SPIDR: variants seen among roughly 807,000 people sequenced by gnomAD.
SPIDR encodes the protein DNA repair-scaffolding protein.
SPIDR carries 93 observed loss-of-function variants against 104.6 expected under a neutral mutation model. The ratio of observed to expected loss-of-function variants is 0.89; its 90% CI spans 0.75 to 1.06. The LOEUF (loss-of-function observed/expected upper bound fraction) is 1.06, where lower values mean the gene tolerates loss of function less well. Ranked by LOEUF, SPIDR falls within the 50% of genes least tolerant of loss-of-function variation. SPIDR has a pLI of 0.00. For missense variants in SPIDR, 1,154 were observed against 1,111.2 expected (o/e 1.04, Z -0.55); for synonymous variants, 431 against 416.9 (o/e 1.03, Z -0.41).
intron 5 of SPIDR, among the ~76,000 whole-genome samples, chr8:47,379,316 G>C (rs1282913629): frequency 6.6e-6 from 1 of 152,196 alleles, no homozygotes; most frequent in Non-Finnish European, 1.5e-5. Context: ...TTAGGAGTGG[G>C]CGGATGGCTT....
chr8:47,654,745 CTTTAAG>C (rs1055713496), intron 10 of SPIDR, among the ~76,000 whole-genome samples: 1 of 151,970 alleles, frequency 6.6e-6, no homozygotes, highest in Admixed American at 6.6e-5. Context: ...TTTATATATA[CTTTAAG>C]TTTTAGGGTA....
chr8:47,611,312 G>T (rs2063571869), intron 10 of SPIDR, among the ~76,000 whole-genome samples: 1 of 152,170 alleles, frequency 6.6e-6, no homozygotes, highest in Non-Finnish European at 1.5e-5. Context: ...AGAATATTCA[G>T]TCAGTGTAAA....
chr8:47,489,957 C>A (rs1486435489), intron 8 of SPIDR, among the ~76,000 whole-genome samples: 23 of 152,308 alleles, frequency 1.5e-4, no homozygotes, highest in African/African-American at 5.5e-4. Context: ...GACTCCATGA[C>A]TAAAACACCC....
At chr8:47,590,736 G>A (rs912373539) in intron 8 of SPIDR, among the ~76,000 whole-genome samples, 1 of 152,144 alleles carries the variant, frequency 6.6e-6, no homozygotes, top group Non-Finnish European at 1.5e-5. Context: ...CAAATGTTGA[G>A]GGAGAGATGT....
rs191648023 is a variant in SPIDR at position 47,554,116 on chromosome 8, C to T, written c.1098-41695C>T. On this transcript the variant is annotated intron_variant, in intron 8 of 19. Transcript: ENST00000297423. Reference sequence around the variant, plus strand: ...TGCCTGATCCTTCCTCTCAGATCTTCGTCTCAGTGGGGCACCTGGCTATAT... The same window carrying T: ...TGCCTGATCCTTCCTCTCAGATCTTTGTCTCAGTGGGGCACCTGGCTATAT... Among the ~76,000 whole-genome samples the T allele has an allele frequency of 6.6e-5, 10 of 152,224 alleles. No homozygotes were observed. In the East Asian group the frequency reaches 1.9e-3, roughly 29 times the overall value.
intron 10 of SPIDR, among the ~76,000 whole-genome samples, chr8:47,645,694 A>C (rs761609729): frequency 2.6e-5 from 4 of 152,218 alleles, no homozygotes; most frequent in Non-Finnish European, 4.4e-5. Context: ...CCAGTGGAAT[A>C]GAGAGTCCCA....
intron 10 of SPIDR, among the ~76,000 whole-genome samples, chr8:47,654,867 C>T (rs1243697695): frequency 6.6e-6 from 1 of 151,880 alleles, no homozygotes; most frequent in Non-Finnish European, 1.5e-5. Context: ...CTAATGCTAT[C>T]CCTCCCCCCT....
At chr8:47,642,239 C>G (rs185264889) in intron 10 of SPIDR, among the ~76,000 whole-genome samples, 1 of 151,814 alleles carries the variant, frequency 6.6e-6, no homozygotes, top group African/African-American at 2.4e-5. Context: ...CTGGCTAACA[C>G]GGTAAAACTA....
Position 47,622,048 on chromosome 8 carries a change from G to A in SPIDR, c.1544+22852G>A, listed in dbSNP as rs367589849. 5.3e-5 allele frequency among the ~76,000 whole-genome samples: 8 copies of A among 152,230 alleles called. No individual in the cohort carries two copies. In the South Asian group the frequency reaches 1.0e-3, roughly 20 times the overall value. ...ATTATCTTATGGGCAAACTGCTGAGGCATTTGATATGATCCAAGTAGTGTC... is the reference window on the plus strand; with the variant it reads ...ATTATCTTATGGGCAAACTGCTGAGACATTTGATATGATCCAAGTAGTGTC... On this transcript the variant is annotated intron_variant, in intron 10 of 19. Coordinates refer to ENST00000297423, the MANE Select transcript of SPIDR (RefSeq NM_001080394.4).
chr8:47,699,279 C>T (rs370156285), intron 11 of SPIDR, among the ~76,000 whole-genome samples: 5 of 152,222 alleles, frequency 3.3e-5, no homozygotes, highest in Non-Finnish European at 7.3e-5. Flanking sequence ...ACTTCCTTTA[C>T]TCCTTGCAAT....
intron 14 of SPIDR, among the ~76,000 whole-genome samples, chr8:47,705,523 C>T (rs898525738): frequency 1.3e-5 from 2 of 152,164 alleles, no homozygotes; most frequent in Non-Finnish European, 2.9e-5. Context: ...GGGGCCAGTC[C>T]GTAGTTAAGC....
chr8:47,644,407 G>A (rs147097540), intron 10 of SPIDR, among the ~76,000 whole-genome samples: 3 of 152,264 alleles, frequency 2.0e-5, no homozygotes, highest in East Asian at 1.9e-4. Flanking sequence ...TGATGATGAC[G>A]TAATCGTGTT....
intron 1 of SPIDR, among the ~76,000 whole-genome samples, chr8:47,277,482 C>T (rs1467477954): frequency 1.3e-5 from 2 of 151,358 alleles, no homozygotes. Context: ...TGTCTCGCTT[C>T]AGCCTCCTGA....
chr8:47,558,593 G>A (rs375439366), intron 8 of SPIDR, among the ~76,000 whole-genome samples: 1 of 151,818 alleles, frequency 6.6e-6, no homozygotes, highest in African/African-American at 2.4e-5. Context: ...TGTGAATGGT[G>A]ATTGTCTTCA....
At chr8:47,263,123 A>G (rs1413690906) in intron 1 of SPIDR, among the ~76,000 whole-genome samples, 1 of 152,238 alleles carries the variant, frequency 6.6e-6, no homozygotes, top group African/African-American at 2.4e-5. Context: ...GAGGCTAAGT[A>G]ATTTGCCTAA....
At chr8:47,293,397 A>G (rs1207152745) in intron 4 of SPIDR, among the ~76,000 whole-genome samples, 1 of 152,218 alleles carries the variant, frequency 6.6e-6, no homozygotes, top group Non-Finnish European at 1.5e-5. Flanking sequence ...GGGTTGGGAT[A>G]AGATTTGGGA....
Position 47,454,581 on chromosome 8 carries a change from A to G in SPIDR, c.1097+14039A>G, listed in dbSNP as rs1346122620. Among the ~76,000 whole-genome samples, 3 of 152,136 alleles carry G rather than the reference A, an allele frequency of 2.0e-5. No homozygotes were observed. In the East Asian group the frequency reaches 5.8e-4, roughly 29 times the overall value. On this transcript the variant is annotated intron_variant, in intron 8 of 19. Transcript: ENST00000297423. ...GCACACCAACATGGCACATGTGTAC[A>G]TATGTAACAAACCTGCACATGGTAT...
intron 8 of SPIDR, among the ~76,000 whole-genome samples, chr8:47,529,369 G>A (rs1030040210): frequency 1.8e-4 from 28 of 151,998 alleles, no homozygotes; most frequent in Admixed American, 5.2e-4. Context: ...AGTGAGCCGA[G>A]ATCACATCAC....
At chr8:47,394,829 C>T (rs1554657141) in intron 5 of SPIDR, among the ~76,000 whole-genome samples, 4 of 152,126 alleles carry the variant, frequency 2.6e-5, no homozygotes, top group African/African-American at 7.2e-5. Flanking sequence ...CACAATCTCT[C>T]TTGTGAGGCA....
Sources: allele counts gnomAD v4.1 joint callset (sites outside exome capture counted in the v4.1 genomes callset), GRCh38; gene constraint gnomAD v4.1.1; transcripts MANE v1.5; gene names NCBI Gene and HGNC (gene_info 2026-07-23, HGNC 2026-07-21).